Variants in CABYR observed in about 807,000 individuals in gnomAD.
The protein encoded by CABYR is calcium binding tyrosine phosphorylation regulated.
Under a neutral mutation model 36.1 loss-of-function variants are expected in CABYR, and 31 were observed. The ratio of observed to expected loss-of-function variants is 0.86; its 90% CI spans 0.64 to 1.16. CABYR has a LOEUF of 1.16. Among genes scored for constraint, CABYR ranks in the 50% most tolerant of loss-of-function variants. CABYR has a pLI of 0.00. For missense variants in CABYR, 429 were observed against 455.8 expected, an observed-to-expected ratio of 0.94 and a Z score of 0.53; for synonymous variants, 146 against 160.7, an observed-to-expected ratio of 0.91 and a Z score of 0.69.
At chr18:24,144,678 A>G (rs1488227660) in intron 3 of CABYR, among the ~76,000 whole-genome samples, 2 of 152,208 alleles carry the variant, frequency 1.3e-5, no homozygotes, top group Non-Finnish European at 2.9e-5. Context: ...GAGCAGCATA[A>G]AAGGACATGT....
At chr18:24,156,298 A>G in intron 4 of CABYR, 1 of 1,614,214 alleles carries the variant, frequency 6.2e-7, no homozygotes, top group Non-Finnish European at 8.5e-7. Context: ...CCCTTGCAGG[A>G]TGAACAAGAA....
chr18:24,160,230 A>G, intron 5 of CABYR, 161 bp downstream of exon 5: 2 of 607,694 alleles, frequency 3.3e-6, no homozygotes, highest in East Asian at 5.5e-5. Flanking sequence ...CTTCCTAAAC[A>G]CCAGTTACTA....
At chr18:24,148,398 TTATCTTAG>T (rs1402631248) in intron 3 of CABYR, among the ~76,000 whole-genome samples, 3 of 152,158 alleles carry the variant, frequency 2.0e-5, no homozygotes, top group African/African-American at 7.2e-5. Flanking sequence ...CTAGCTAAGA[TTATCTTAG>T]CGAAGAATAA....
At chr18:24,149,979 G>A (rs1373626095) in intron 3 of CABYR, among the ~76,000 whole-genome samples, 1 of 152,256 alleles carries the variant, frequency 6.6e-6, no homozygotes, top group Admixed American at 6.5e-5. Context: ...CTCTGGCCTT[G>A]GCCAGCCCAG....
At chr18:24,143,450 GT>G (rs2085378895) in intron 3 of CABYR, 37 bp downstream of exon 3, 1 of 1,206,716 alleles carries the variant, frequency 8.3e-7, no homozygotes, top group South Asian at 1.5e-5. Flanking sequence ...TAATAATGAT[GT>G]TTATTAATTA....
chr18:24,150,776 GTTTTTTGTT>G (rs758733648), intron 3 of CABYR: 246 of 99,742 alleles, frequency 2.5e-3, no homozygotes, highest in East Asian at 6.1e-3. Context: ...TTGTTTTTTT[GTTTTTTGTT>G]TTTTTTTTTT....
intron 3 of CABYR, among the ~76,000 whole-genome samples, chr18:24,145,184 A>G (rs2085429696): frequency 6.6e-6 from 1 of 152,208 alleles, no homozygotes; most frequent in Non-Finnish European, 1.5e-5. Context: ...CCATAATTTC[A>G]TTTAACAAAT....
intron 3 of CABYR, among the ~76,000 whole-genome samples, chr18:24,144,841 G>A (rs1357045524): frequency 6.6e-6 from 1 of 152,202 alleles, no homozygotes; most frequent in Non-Finnish European, 1.5e-5. Context: ...ATCAAGAACT[G>A]CTATTGGGAA....
intron 3 of CABYR, chr18:24,152,660 A>T (rs1026875708): frequency 6.6e-6 from 1 of 152,200 alleles, no homozygotes; most frequent in Non-Finnish European, 1.5e-5. Flanking sequence ...AATTTCAGGT[A>T]CCATGAACCT....
At chr18:24,152,179 T>G (rs2085657516) in intron 3 of CABYR, among the ~76,000 whole-genome samples, 1 of 152,252 alleles carries the variant, frequency 6.6e-6, no homozygotes, top group African/African-American at 2.4e-5. Context: ...AGATTTATAT[T>G]TTTAATTTGA....
In CABYR at chr18:24,161,529, G is replaced by GCTGT; in HGVS notation, c.*17_*20dup. 1 of 780,390 alleles carries GCTGT rather than the reference G, an allele frequency of 1.3e-6. No homozygotes were observed. The allele number at this position is 780,390 out of a possible 1,614,324, so 48.3% of individuals were successfully genotyped here. On this transcript the variant is annotated 3_prime_UTR_variant, in exon 6 of 6. Coordinates refer to ENST00000399496, the MANE Select transcript of CABYR (RefSeq NM_153769.3). ...TATTCCTAACAGATCCAGAAATGACGCTGTCTGGGTCAACATTTCAGGGAG... is the reference window on the plus strand; with the variant it reads ...TATTCCTAACAGATCCAGAAATGACGCTGTCTGTCTGGGTCAACATTTCAGGGAG...
At chr18:24,156,622 A>G (rs2085794196) in intron 4 of CABYR, 1 of 1,614,082 alleles carries the variant, frequency 6.2e-7, no homozygotes, top group South Asian at 1.1e-5. Flanking sequence ...AATGCAAAAT[A>G]TTCCTCAGTA....
At chr18:24,145,542 G>A (rs912933610) in intron 3 of CABYR, among the ~76,000 whole-genome samples, 1 of 152,180 alleles carries the variant, frequency 6.6e-6, no homozygotes, top group African/African-American at 2.4e-5. Context: ...GACAGTACCA[G>A]AAAGGAGGCA....
At chr18:24,158,959 GT>G (rs1035136163) in intron 4 of CABYR, among the ~76,000 whole-genome samples, 1 of 152,144 alleles carries the variant, frequency 6.6e-6, no homozygotes, top group African/African-American at 2.4e-5. Context: ...ATTATGTGAC[GT>G]TTTATGTGTG....
chr18:24,146,545 TA>T (rs377589563), intron 3 of CABYR, among the ~76,000 whole-genome samples: 159 of 139,128 alleles, frequency 1.1e-3, no homozygotes, highest in Non-Finnish European at 1.3e-3. Context: ...CAAGACTGTC[TA>T]AAAAAAAAAA....
chr18:24,153,310 T>C (rs1844137184), intron 3 of CABYR, among the ~76,000 whole-genome samples: 1 of 152,122 alleles, frequency 6.6e-6, no homozygotes, highest in Non-Finnish European at 1.5e-5. Context: ...GCCTTCTCTC[T>C]GTGGTCAGTC....
At position 24,143,246 on chromosome 18, in the gene CABYR, T is replaced by TA. The variant is rs1162776327; in HGVS notation, c.133dup (p.Thr45AsnfsTer4). ...TTGCAGCAGCTTATTTTCAAGAACT[T>TA]ACTATGTATAGAGGTTTGTTATTCC... is the stretch of plus-strand genomic sequence containing the variant. On this transcript the variant is annotated frameshift_variant, in exon 2 of 6. Transcript: ENST00000399496. LOFTEE classifies it high-confidence loss of function. 6.2e-7 allele frequency: 1 copy of TA among 1,613,398 alleles called. No individual in the cohort carries two copies. The highest frequency in any genetic ancestry group is 2.2e-5 in the East Asian group (1 of 44,878).
At chr18:24,144,931 T>C (rs911065245) in intron 3 of CABYR, among the ~76,000 whole-genome samples, 2 of 152,236 alleles carry the variant, frequency 1.3e-5, no homozygotes, top group Non-Finnish European at 2.9e-5. Flanking sequence ...TGTGTAAATT[T>C]TGACCCCTTT....
At chr18:24,143,603 G>A (rs993652598) in intron 3 of CABYR, among the ~76,000 whole-genome samples, 190 bp downstream of exon 3, 21 of 151,812 alleles carry the variant, frequency 1.4e-4, no homozygotes, top group African/African-American at 3.4e-4. Flanking sequence ...GTGCAGCGGC[G>A]CCGTCATAGC....
Sources: gnomAD v4.1 joint callset for allele counts (sites outside exome capture counted in the v4.1 genomes callset) on GRCh38, gnomAD v4.1.1 for gene constraint, MANE v1.5 for transcripts, NCBI Gene and HGNC (gene_info 2026-07-23, HGNC 2026-07-21) for gene names.